The following SPON1 variants were observed in gnomAD, a reference collection of about 807,000 sequenced individuals.
SPON1 encodes the protein spondin-1.
A neutral mutation model predicts 111.7 loss-of-function variants in SPON1; 52 were observed. That is an observed-to-expected ratio of 0.47 (90% confidence interval 0.37 to 0.59). The LOEUF (loss-of-function observed/expected upper bound fraction) is 0.59, where lower values mean the gene tolerates loss of function less well. Ranked by LOEUF, SPON1 falls within the 20% of genes least tolerant of loss-of-function variation. The probability of loss-of-function intolerance (pLI) is 0.00; values close to 1 mark genes in which losing one functional copy is unlikely to be tolerated. For missense variants in SPON1, 957 were observed against 1,068.5 expected (o/e 0.90, Z 1.46); for synonymous variants, 410 against 395.8 (o/e 1.04, Z -0.43).
intron 2 of SPON1, among the ~76,000 whole-genome samples, chr11:14,041,234 G>A (rs1203020384): frequency 6.6e-6 from 1 of 152,122 alleles, no homozygotes; most frequent in South Asian, 2.1e-4. Flanking sequence ...TCGTTCTATT[G>A]AAATAAGCAA....
intron 6 of SPON1, among the ~76,000 whole-genome samples, chr11:14,211,963 TAATC>T (rs1554936778): frequency 7.9e-5 from 12 of 152,192 alleles, no homozygotes. Flanking sequence ...CTTTTAATCT[TAATC>T]CATTATTGAT....
intron 1 of SPON1, among the ~76,000 whole-genome samples, chr11:13,976,054 T>C (rs782070184): frequency 5.3e-5 from 8 of 152,192 alleles, no homozygotes; most frequent in Non-Finnish European, 1.2e-4. Flanking sequence ...AACTCTACGT[T>C]CCTATAAGAA....
intron 6 of SPON1, among the ~76,000 whole-genome samples, chr11:14,209,416 C>G (rs1213054169): frequency 6.6e-6 from 1 of 152,146 alleles, no homozygotes; most frequent in Non-Finnish European, 1.5e-5. Flanking sequence ...CCCCTAGCCC[C>G]CCACACCCCG....
At chr11:14,186,896 A>C (rs1485154448) in intron 6 of SPON1, among the ~76,000 whole-genome samples, 1 of 152,226 alleles carries the variant, frequency 6.6e-6, no homozygotes, top group African/African-American at 2.4e-5. Context: ...GCAGGAGAGG[A>C]AACTGAGGCT....
chr11:13,981,272 T>G (rs2697846), intron 1 of SPON1, among the ~76,000 whole-genome samples: 100,131 of 152,042 alleles, frequency 0.66, 33,469 homozygotes, highest in African/African-American at 0.77. Context: ...TCCAATGGGA[T>G]GGAGGACCAT....
chr11:14,196,666 C>T (rs1848405960), intron 6 of SPON1, among the ~76,000 whole-genome samples: 1 of 152,148 alleles, frequency 6.6e-6, no homozygotes, highest in Non-Finnish European at 1.5e-5. Context: ...GCTGGGTTTC[C>T]CCTAGGTGTT....
Position 14,041,423 on chromosome 11 carries a change from T to C in SPON1, c.346-98T>C, listed in dbSNP as rs113971254. On this transcript the variant is annotated intron_variant, in intron 2 of 15. Transcript: ENST00000576479. ...ATACAGAGTTGCTAACATAAAATGA[T>C]AAGTTTAAAAATAAAGTTAAGGAAG... 1.2e-3 allele frequency: 1,740 copies of C among 1,411,910 alleles called. 17 individuals are homozygous for C. The African/African-American group carries it at 0.016, about 13-fold the overall frequency. The allele number at this position is 1,411,910 out of a possible 1,614,324, so 87.5% of individuals were successfully genotyped here.
chr11:14,128,895 C>A (rs1305479484), intron 5 of SPON1, among the ~76,000 whole-genome samples: 1 of 152,266 alleles, frequency 6.6e-6, no homozygotes, highest in South Asian at 2.1e-4. Flanking sequence ...CTTGCACCCT[C>A]TAAAGCAATG....
intron 6 of SPON1, among the ~76,000 whole-genome samples, chr11:14,167,045 T>C (rs1554931923): frequency 6.6e-6 from 1 of 152,126 alleles, no homozygotes; most frequent in Non-Finnish European, 1.5e-5. Flanking sequence ...AAAATAATTA[T>C]AATACTGATA....
intron 2 of SPON1, among the ~76,000 whole-genome samples, chr11:13,990,281 T>A (rs1302753624): frequency 6.6e-6 from 1 of 151,752 alleles, no homozygotes; most frequent in Non-Finnish European, 1.5e-5. Flanking sequence ...GCTGCATTGA[T>A]CCCTTTACCA....
intron 6 of SPON1, among the ~76,000 whole-genome samples, chr11:14,201,369 A>C (rs991134512): frequency 4.7e-5 from 7 of 150,522 alleles, no homozygotes; most frequent in Non-Finnish European, 1.0e-4. Context: ...AAAACAAAAA[A>C]AACTACCAAC....
chr11:14,127,149 C>A (rs1847469277), intron 5 of SPON1, among the ~76,000 whole-genome samples: 1 of 152,266 alleles, frequency 6.6e-6, no homozygotes, highest in Non-Finnish European at 1.5e-5. Flanking sequence ...GTCACTATTT[C>A]ATGGACTTCA....
intron 6 of SPON1, among the ~76,000 whole-genome samples, chr11:14,168,285 CATTTT>C (rs1230531703): frequency 6.6e-6 from 1 of 152,156 alleles, no homozygotes; most frequent in African/African-American, 2.4e-5. Context: ...ATTTTCAAGA[CATTTT>C]ATTTTACCAA....
At chr11:14,248,069 G>T (rs1032457942) in intron 7 of SPON1, among the ~76,000 whole-genome samples, 1 of 152,196 alleles carries the variant, frequency 6.6e-6, no homozygotes, top group African/African-American at 2.4e-5. Flanking sequence ...GCTTGGTACC[G>T]AGAAAGCCAG....
intron 5 of SPON1, among the ~76,000 whole-genome samples, chr11:14,083,900 A>G (rs1554922306): frequency 7.9e-5 from 12 of 152,156 alleles, no homozygotes. Context: ...TTTGTCTGTC[A>G]TTTGTCCTTT....
chr11:14,189,233 A>G (rs191144601), intron 6 of SPON1, among the ~76,000 whole-genome samples: 1 of 152,368 alleles, frequency 6.6e-6, no homozygotes, highest in East Asian at 1.9e-4. Context: ...TACTTTAAAC[A>G]TGCTTTAAAT....
chr11:14,252,573 AG>A (rs1849064375), intron 7 of SPON1, among the ~76,000 whole-genome samples: 1 of 113,172 alleles, frequency 8.8e-6, no homozygotes, highest in Non-Finnish European at 1.9e-5. Flanking sequence ...TACTTGCCTC[AG>A]CCGAAGGCAA....
At chr11:14,153,520 G>T (rs1554930101) in intron 6 of SPON1, among the ~76,000 whole-genome samples, 1 of 152,108 alleles carries the variant, frequency 6.6e-6, no homozygotes. Flanking sequence ...ACAGCAAGAG[G>T]AAAGTCCACC....
chr11:14,215,276 T>C (rs1177567670), intron 6 of SPON1, among the ~76,000 whole-genome samples: 14 of 152,194 alleles, frequency 9.2e-5, no homozygotes, highest in African/African-American at 3.4e-4. Flanking sequence ...AGATCAGTAT[T>C]AGCATAGTAG....
Sources: gnomAD v4.1 joint callset for allele counts (sites outside exome capture counted in the v4.1 genomes callset) on GRCh38, gnomAD v4.1.1 for gene constraint, MANE v1.5 for transcripts, NCBI Gene and HGNC (gene_info 2026-07-23, HGNC 2026-07-21) for gene names.